HSP90B1: variants seen among roughly 807,000 people sequenced by gnomAD.
HSP90B1 encodes endoplasmin.
HSP90B1 carries 27 observed loss-of-function variants against 100.4 expected under a neutral mutation model. The ratio of observed to expected loss-of-function variants is 0.27; its 90% CI spans 0.20 to 0.37. HSP90B1 has a LOEUF of 0.37. Among genes scored for constraint, HSP90B1 ranks in the 10% least tolerant of loss-of-function variants. The pLI is 1.00. For missense variants in HSP90B1, 678 were observed against 960.5 expected, an observed-to-expected ratio of 0.71 and a Z score of 3.89; for synonymous variants, 304 against 330.8, an observed-to-expected ratio of 0.92 and a Z score of 0.88.
At chr12:103,938,261 TAA>T in intron 6 of HSP90B1, 77 bp from the exon 7 acceptor site, 2 of 1,308,640 alleles carry the variant, frequency 1.5e-6, no homozygotes, top group Non-Finnish European at 1.0e-6. Flanking sequence ...TTTTGACCTG[TAA>T]TGTTATATCA....
intron 11 of HSP90B1, 78 bp from the exon 12 acceptor site, chr12:103,942,449 C>G: frequency 7.5e-7 from 1 of 1,338,904 alleles, no homozygotes; most frequent in South Asian, 1.4e-5. Context: ...GTGTTTTTCA[C>G]ACTCCTGCCT....
Position 103,943,373 on chromosome 12 carries a change from G to C in HSP90B1, c.1890+54G>C. On this transcript the variant is annotated intron_variant, in intron 13 of 17. Transcript: ENST00000299767. The surrounding 1 kb of genome is among the most constrained non-coding windows in gnomAD (Gnocchi z 5.3). The stretch of plus-strand genomic sequence containing the variant: ...TATTAGTATCAGCATTTAAGAGAAA[G>C]TTATTTTGTGAACAAATTAAGCTGC... The C allele has an allele frequency of 6.5e-7, 1 of 1,543,912 alleles. No homozygotes were observed. Among genetic ancestry groups the C allele is most frequent in the Non-Finnish European group, 8.9e-7 (1 of 1,122,566 alleles).
chr12:103,945,990 T>C (rs1364759105), intron 14 of HSP90B1, among the ~76,000 whole-genome samples: 1 of 152,182 alleles, frequency 6.6e-6, no homozygotes, highest in Admixed American at 6.5e-5. Flanking sequence ...GAACATCCCA[T>C]GGATACCAAA....
chr12:103,939,363 AAAGTGCTAGGATTACAGGCGTGAGC>A (rs61295344), intron 7 of HSP90B1, 121 bp from the exon 8 acceptor site: 75,094 of 502,632 alleles, frequency 0.15, 6,505 homozygotes, highest in African/African-American at 0.34. Context: ...CTAACCTCCC[AAAGTGCTAGGATTACAGGCGTGAGC>A]CACCACACCA....
chr12:103,931,668 C>A, intron 2 of HSP90B1, 45 bp downstream of exon 2: 2 of 1,366,936 alleles, frequency 1.5e-6, no homozygotes, highest in Non-Finnish European at 2.1e-6. Context: ...GCCGTGTGAA[C>A]CTTGTGAGTT....
chr12:103,947,484 A>G (rs1342828863), intron 17 of HSP90B1, 54 bp downstream of exon 17: 21 of 1,613,454 alleles, frequency 1.3e-5, no homozygotes, highest in Non-Finnish European at 1.7e-5. Flanking sequence ...AAGTTAGGAC[A>G]GAGTTTTAGT....
intron 7 of HSP90B1, 125 bp downstream of exon 7, chr12:103,938,584 A>C (rs531986930): frequency 1.2e-5 from 13 of 1,047,866 alleles, no homozygotes; most frequent in Middle Eastern, 2.2e-4. Context: ...CCATGGAGCC[A>C]GCTTTTAAAA....
chr12:103,937,403 C>T (rs1869948436), intron 5 of HSP90B1, among the ~76,000 whole-genome samples: 1 of 152,202 alleles, frequency 6.6e-6, no homozygotes, highest in Admixed American at 6.5e-5. Context: ...AGTGCTTTCT[C>T]ACCTTGAAAA....
chr12:103,932,998 A>G, intron 4 of HSP90B1, 56 bp downstream of exon 4: 2 of 916,030 alleles, frequency 2.2e-6, no homozygotes, highest in Non-Finnish European at 3.6e-6. Flanking sequence ...TTAAAGGTAG[A>G]GGATCCCTAT....
At chr12:103,935,301 C>T (rs1379575834) in intron 5 of HSP90B1, among the ~76,000 whole-genome samples, 1 of 152,168 alleles carries the variant, frequency 6.6e-6, no homozygotes, top group Non-Finnish European at 1.5e-5. Flanking sequence ...CCTACAGTAG[C>T]TCTCGTTGCT....
intron 11 of HSP90B1, among the ~76,000 whole-genome samples, chr12:103,942,188 T>C (rs911639411): frequency 3.9e-5 from 6 of 152,220 alleles, no homozygotes; most frequent in Non-Finnish European, 7.3e-5. Context: ...ATTAAACCTT[T>C]CCCCTCCAAT....
chr12:103,943,189 G>A lies in HSP90B1; in HGVS notation c.1760G>A (p.Arg587Lys). 6.2e-7 allele frequency: 1 copy of A among 1,614,166 alleles called. No individual in the cohort carries two copies. Among genetic ancestry groups the A allele is most frequent in the Non-Finnish European group, 8.5e-7 (1 of 1,180,024 alleles). ...IQALPEFDGK[R>K]FQNVAKEGVK... ...GCCCTTCCCGAATTTGATGGGAAGAGGTTCCAGAATGTTGCCAAGGAAGGA... is the reference window on the plus strand; with the variant it reads ...GCCCTTCCCGAATTTGATGGGAAGAAGTTCCAGAATGTTGCCAAGGAAGGA... The change falls in exon 13 of 18, where the codon AGG becomes AAG. Residue 587 changes from arginine to lysine, a missense_variant. Arg to Lys is a conservative substitution (Grantham distance 26). Coordinates refer to ENST00000299767, the MANE Select transcript of HSP90B1 (RefSeq NM_003299.3). The surrounding 1 kb of genome is among the most constrained non-coding windows in gnomAD (Gnocchi z 5.3).
intron 14 of HSP90B1, among the ~76,000 whole-genome samples, chr12:103,946,120 G>T: frequency 6.6e-6 from 1 of 152,214 alleles, no homozygotes. Context: ...TGCAATTTAA[G>T]TGCTATGTAA....
intron 5 of HSP90B1, among the ~76,000 whole-genome samples, chr12:103,935,763 C>T (rs3794240): frequency 2.0e-5 from 3 of 152,070 alleles, no homozygotes; most frequent in South Asian, 2.1e-4. Flanking sequence ...AAGGATAGGG[C>T]AATCATTCCC....
intron 14 of HSP90B1, 116 bp from the exon 15 acceptor site, chr12:103,946,502 T>G: frequency 4.0e-6 from 3 of 744,362 alleles, no homozygotes; most frequent in Non-Finnish European, 6.7e-6. Context: ...CAATAGTACA[T>G]TTTGATTTTT....
intron 8 of HSP90B1, among the ~76,000 whole-genome samples, chr12:103,940,756 T>C (rs868334555): frequency 4.6e-5 from 7 of 152,158 alleles, no homozygotes; most frequent in Admixed American, 1.3e-4. Context: ...ATACCCCAAA[T>C]AGTATTATTT....
In HSP90B1 at chr12:103,943,513, TA is replaced by T; in HGVS notation, c.1890+197del. ...GCTTTGTTAATAACTTGTTACAAAT[TA>T]AATTTTATGTTTTTAAAAGGTGGTA... On this transcript the variant is annotated intron_variant, in intron 13 of 17. Coordinates refer to ENST00000299767, the MANE Select transcript of HSP90B1 (RefSeq NM_003299.3). This position sits in a 1 kb window ranked among gnomAD's most constrained non-coding sequence, Gnocchi z 5.3. The T allele has an allele frequency of 1.4e-6, 1 of 700,156 alleles. No individual in the cohort carries two copies. The highest frequency in any genetic ancestry group is 2.3e-6 in the Non-Finnish European group (1 of 436,622). 43.4% of individuals were successfully genotyped at this position (700,156 alleles called of 1,614,324 possible). A position where few individuals can be genotyped will look rare whatever the true frequency, so the allele number is the denominator to read the frequency against.
intron 14 of HSP90B1, among the ~76,000 whole-genome samples, chr12:103,944,205 C>T (rs939528992): frequency 9.2e-5 from 14 of 152,096 alleles, no homozygotes; most frequent in African/African-American, 3.4e-4. Context: ...AATAGCTGCA[C>T]GAGGTTAATG....
At position 103,938,475 on chromosome 12, in the gene HSP90B1, C is replaced by G. The variant is rs1435421862; in HGVS notation, c.975+16C>G. ...GACTAAAAAAGTAAGTCTGGTTTAT[C>G]TCCCTGCATAAGATATTGTTTAACA... On this transcript the variant is annotated intron_variant, in intron 7 of 17. Coordinates refer to ENST00000299767, the MANE Select transcript of HSP90B1 (RefSeq NM_003299.3). 6.2e-7 allele frequency: 1 copy of G among 1,607,160 alleles called. No homozygotes were observed. The highest frequency in any genetic ancestry group is 8.5e-7 in the Non-Finnish European group (1 of 1,177,288).
Sources: gnomAD v4.1 joint callset for allele counts (sites outside exome capture counted in the v4.1 genomes callset) on GRCh38, gnomAD v4.1.1 for gene constraint, Gnocchi (gnomAD v3.1) non-coding constraint, MANE v1.5 for transcripts, NCBI Gene and HGNC (gene_info 2026-07-23, HGNC 2026-07-21) for gene names.